DAB1: variants seen among roughly 807,000 people sequenced by gnomAD.
The protein encoded by DAB1 is DAB adaptor protein 1.
A neutral mutation model predicts 64.6 loss-of-function variants in DAB1; 15 were observed. That is an observed-to-expected ratio of 0.23 (90% CI 0.16 to 0.36). The LOEUF is 0.36. Ranked by LOEUF, DAB1 falls within the 10% of genes least tolerant of loss-of-function variation. The pLI, the probability that DAB1 is intolerant of heterozygous loss-of-function variation, is 1.00. For missense variants in DAB1, 596 were observed against 706.7 expected (o/e 0.84, Z 1.78); for synonymous variants, 235 against 251.9 (o/e 0.93, Z 0.64).
At chr1:57,007,879 G>A (rs1646134972) in intron 14 of DAB1, among the ~76,000 whole-genome samples, 1 of 152,226 alleles carries the variant, frequency 6.6e-6, no homozygotes, top group Non-Finnish European at 1.5e-5. Flanking sequence ...TAAATTTTCA[G>A]TTGGGTGGAT....
At chr1:58,426,410 A>T (rs61780371) in intron 3 of DAB1, among the ~76,000 whole-genome samples, 3,973 of 152,312 alleles carry the variant, frequency 0.026, 86 homozygotes, top group Non-Finnish European at 0.035. Flanking sequence ...AGAGTCATTC[A>T]GCAGATATTT....
chr1:57,207,728 G>C (rs1314211403), intron 2 of DAB1, among the ~76,000 whole-genome samples: 2 of 152,114 alleles, frequency 1.3e-5, no homozygotes, highest in Admixed American at 6.5e-5. Context: ...ACAGGCGTGA[G>C]CCACCGCGCC....
chr1:58,453,484 G>T (rs1645161381), intron 3 of DAB1, among the ~76,000 whole-genome samples: 1 of 152,186 alleles, frequency 6.6e-6, no homozygotes, highest in African/African-American at 2.4e-5. Flanking sequence ...ACTCCTGTCA[G>T]CCTATCTGTA....
chr1:57,814,375 A>T (rs1651759786), intron 6 of DAB1, among the ~76,000 whole-genome samples: 1 of 152,220 alleles, frequency 6.6e-6, no homozygotes, highest in Non-Finnish European at 1.5e-5. Context: ...AGCAGGGTTT[A>T]CATATGGGCT....
intron 7 of DAB1, among the ~76,000 whole-genome samples, chr1:57,480,790 A>G (rs1422058027): frequency 6.6e-6 from 1 of 152,004 alleles, no homozygotes; most frequent in African/African-American, 2.4e-5. Context: ...CAGCCTTCAT[A>G]ATAAGTGTAA....
At chr1:57,945,337 G>T (rs559768572) in intron 5 of DAB1, among the ~76,000 whole-genome samples, 1 of 152,174 alleles carries the variant, frequency 6.6e-6, no homozygotes. Flanking sequence ...ATAGCTCACT[G>T]CAGCCTCGAA....
chr1:57,123,039 T>A (rs1227464270), intron 4 of DAB1, among the ~76,000 whole-genome samples: 1 of 152,142 alleles, frequency 6.6e-6, no homozygotes, highest in East Asian at 1.9e-4. Context: ...AAGAAAAGAA[T>A]ATATAAATAT....
At chr1:58,457,412 C>T (rs547888447) in intron 3 of DAB1, among the ~76,000 whole-genome samples, 2 of 152,296 alleles carry the variant, frequency 1.3e-5, no homozygotes, top group South Asian at 4.2e-4. Context: ...CATGTCTACA[C>T]AATAGCTCCA....
At chr1:57,585,436 T>G (rs1167796483) in intron 7 of DAB1, among the ~76,000 whole-genome samples, 1 of 152,126 alleles carries the variant, frequency 6.6e-6, no homozygotes, top group Non-Finnish European at 1.5e-5. Flanking sequence ...TGCATGTAGA[T>G]TTTTATCTTC....
intron 2 of DAB1, among the ~76,000 whole-genome samples, chr1:58,509,225 G>A (rs1387690872): frequency 6.6e-6 from 1 of 151,974 alleles, no homozygotes; most frequent in Non-Finnish European, 1.5e-5. Context: ...CCTAATGAAA[G>A]AGAAATATAT....
chr1:57,151,280 T>C (rs552713576), intron 2 of DAB1, among the ~76,000 whole-genome samples: 40 of 152,286 alleles, frequency 2.6e-4, no homozygotes, highest in South Asian at 1.7e-3. Context: ...ATTGATTCAT[T>C]CATTCCTTTA....
intron 2 of DAB1, among the ~76,000 whole-genome samples, chr1:58,508,173 G>C (rs879406216): frequency 5.9e-5 from 9 of 152,082 alleles, no homozygotes; most frequent in Non-Finnish European, 1.3e-4. Flanking sequence ...TATTAAAAGG[G>C]GACTTGAGAT....
chr1:58,002,766 T>C (rs1646525867), intron 5 of DAB1, among the ~76,000 whole-genome samples: 1 of 152,158 alleles, frequency 6.6e-6, no homozygotes, highest in Non-Finnish European at 1.5e-5. Context: ...AGAGCATATG[T>C]CATAAATAAA....
chr1:58,011,225 T>C (rs1012028717), intron 5 of DAB1, among the ~76,000 whole-genome samples: 1 of 152,120 alleles, frequency 6.6e-6, no homozygotes, highest in Non-Finnish European at 1.5e-5. Context: ...ATGAGGAAAA[T>C]AGTCTCTACC....
chr1:57,499,287 T>A (rs1644263829), intron 7 of DAB1, among the ~76,000 whole-genome samples: 1 of 152,166 alleles, frequency 6.6e-6, no homozygotes, highest in African/African-American at 2.4e-5. Flanking sequence ...TTTATATGTT[T>A]AATGGAGGAA....
intron 5 of DAB1, among the ~76,000 whole-genome samples, chr1:57,899,926 T>C (rs962228379): frequency 1.2e-4 from 18 of 147,778 alleles, no homozygotes; most frequent in Non-Finnish European, 2.1e-4. Context: ...AGAAGTCTTG[T>C]TTATCTTTTT....
intron 3 of DAB1, among the ~76,000 whole-genome samples, chr1:58,396,340 C>G (rs889685936): frequency 3.3e-5 from 5 of 152,058 alleles, no homozygotes; most frequent in Non-Finnish European, 7.4e-5. Flanking sequence ...CAAAGTGTTT[C>G]TCATTGTTAG....
At chr1:58,519,472 T>C (rs1009080367) in intron 2 of DAB1, among the ~76,000 whole-genome samples, 3 of 152,110 alleles carry the variant, frequency 2.0e-5, no homozygotes, top group East Asian at 3.9e-4. Flanking sequence ...AATCTTACAG[T>C]AGAGCTCATC....
At chr1:57,325,541 T>C (rs902033037) in intron 1 of DAB1, among the ~76,000 whole-genome samples, 1 of 152,242 alleles carries the variant, frequency 6.6e-6, no homozygotes, top group African/African-American at 2.4e-5. Flanking sequence ...TTATTATAAC[T>C]GGATGTTTAT....
Sources: allele counts gnomAD v4.1 joint callset (sites outside exome capture counted in the v4.1 genomes callset), GRCh38; gene constraint gnomAD v4.1.1; transcripts MANE v1.5; gene names NCBI Gene and HGNC (gene_info 2026-07-23, HGNC 2026-07-21).